The following NTAQ1 variants were observed in gnomAD, a reference collection of about 807,000 sequenced individuals.
The protein encoded by NTAQ1 is protein N-terminal glutamine amidohydrolase.
NTAQ1 carries 21 observed loss-of-function variants against 28.2 expected under a neutral mutation model. The ratio of observed to expected loss-of-function variants is 0.74; its 90% CI spans 0.53 to 1.07. The LOEUF (loss-of-function observed/expected upper bound fraction) is 1.07. Ranked by LOEUF, NTAQ1 falls within the 50% of genes least tolerant of loss-of-function variation. The pLI is 0.00. For missense variants in NTAQ1, 264 were observed against 256.6 expected (o/e 1.03, Z -0.20); for synonymous variants, 105 against 90.0 (o/e 1.17, Z -0.94).
At position 123,441,799 on chromosome 8, in the gene NTAQ1, A is replaced by C. The variant is rs1374473737; in HGVS notation, c.*384A>C. ...TTCCTTGAGGGCAGGGCCATGGCCC[A>C]TTGCTCTGTGAATCTCAAATGCCCA... On this transcript the variant is annotated 3_prime_UTR_variant, in exon 6 of 6. Coordinates refer to ENST00000287387, the MANE Select transcript of NTAQ1 (RefSeq NM_018024.3). The C allele has an allele frequency of 5.5e-6, 1 of 183,198 alleles. No individual in the cohort carries two copies. The highest frequency in any genetic ancestry group is 5.6e-5 in the Admixed American group (1 of 17,940). 11.3% of individuals were successfully genotyped at this position (183,198 alleles called of 1,614,324 possible).
chr8:123,430,195 GA>G (rs1226623116), intron 3 of NTAQ1, 162 bp downstream of exon 3: 1 of 465,076 alleles, frequency 2.2e-6, no homozygotes, highest in Non-Finnish European at 3.9e-6. Flanking sequence ...ATCTAAGGTA[GA>G]AACACTGTAG....
intron 3 of NTAQ1, among the ~76,000 whole-genome samples, chr8:123,431,749 C>T (rs865968010): frequency 1.3e-5 from 2 of 152,188 alleles, no homozygotes; most frequent in Non-Finnish European, 2.9e-5. Flanking sequence ...TTCAGTGTCT[C>T]CCCCTGGTCA....
At chr8:123,441,119 T>G (rs1048189412) in intron 5 of NTAQ1, among the ~76,000 whole-genome samples, 187 bp from the exon 6 acceptor site, 2 of 152,130 alleles carry the variant, frequency 1.3e-5, no homozygotes, top group South Asian at 4.1e-4. Flanking sequence ...TTCCCTCAGT[T>G]TGGGTGTGTG....
chr8:123,425,708 G>C (rs149665574), intron 1 of NTAQ1, among the ~76,000 whole-genome samples: 6 of 152,026 alleles, frequency 3.9e-5, no homozygotes, highest in Non-Finnish European at 5.9e-5. Context: ...GTAGCATGGC[G>C]TGGATGAAAT....
chr8:123,457,688 G>A (rs543882425), intron 6 of NTAQ1, among the ~76,000 whole-genome samples: 2 of 152,230 alleles, frequency 1.3e-5, no homozygotes, highest in Non-Finnish European at 2.9e-5. Flanking sequence ...ACTTCATTGT[G>A]TACCCTTTTG....
At chr8:123,453,242 TCCTTGG>T (rs1815555587) in intron 6 of NTAQ1, among the ~76,000 whole-genome samples, 1 of 152,138 alleles carries the variant, frequency 6.6e-6, no homozygotes, top group Non-Finnish European at 1.5e-5. Context: ...TAAGTTCAAG[TCCTTGG>T]CCCCCGTTAC....
chr8:123,444,067 T>TG (rs59032844), downstream of NTAQ1, among the ~76,000 whole-genome samples: 1 of 151,918 alleles, frequency 6.6e-6, no homozygotes, highest in African/African-American at 2.4e-5. Flanking sequence ...TTTTTTTTTT[T>TG]GAACCCAAAC....
intron 3 of NTAQ1, among the ~76,000 whole-genome samples, chr8:123,435,992 A>T (rs1814684305): frequency 6.6e-6 from 1 of 151,072 alleles, no homozygotes; most frequent in Admixed American, 6.6e-5. Flanking sequence ...GCATGATGAA[A>T]CCCTATCTCT....
intron 6 of NTAQ1, among the ~76,000 whole-genome samples, chr8:123,462,435 C>G (rs889182961): frequency 4.6e-5 from 7 of 152,140 alleles, no homozygotes; most frequent in African/African-American, 1.7e-4. Context: ...AAGTCTACAA[C>G]TCAGATACTC....
chr8:123,424,597 C>T (rs537434596), intron 1 of NTAQ1, among the ~76,000 whole-genome samples: 2 of 143,846 alleles, frequency 1.4e-5, no homozygotes, highest in Admixed American at 7.0e-5. Flanking sequence ...TGGTCTTGAA[C>T]TCCCAACCTC....
Position 123,436,150 on chromosome 8 carries a change from C to T in NTAQ1, c.235-303C>T, listed in dbSNP as rs567962498. 8.9e-5 allele frequency among the ~76,000 whole-genome samples: 11 copies of T among 123,930 alleles called. No homozygotes were observed. The South Asian group carries it at 2.2e-3, about 25-fold the overall frequency. 81.3% of individuals were successfully genotyped at this position (123,930 alleles called of 152,430 possible). The stretch of plus-strand genomic sequence containing the variant: ...TGCCACTGCACTCCAACCTGGGTGA[C>T]GAGAGTAAGACTCCATCTCAAAAAA... On this transcript the variant is annotated intron_variant, in intron 3 of 5. Coordinates refer to ENST00000287387, the MANE Select transcript of NTAQ1 (RefSeq NM_018024.3).
At chr8:123,463,590 C>T (rs1815890908) in intron 6 of NTAQ1, among the ~76,000 whole-genome samples, 1 of 152,070 alleles carries the variant, frequency 6.6e-6, no homozygotes, top group Non-Finnish European at 1.5e-5. Flanking sequence ...TATCAGAATC[C>T]AAAGTGAGTG....
chr8:123,441,444 GA>G lies in NTAQ1; in HGVS notation c.*32del, dbSNP rs1344262931. ...TGGTCTCAAGATGTGGAACTGTGGA[GA>G]AATTCTAGGACATGAACAAGCTATC... is the stretch of plus-strand genomic sequence containing the variant. On this transcript the variant is annotated 3_prime_UTR_variant, in exon 6 of 6. Transcript: ENST00000287387. 2 of 1,541,576 alleles carry G rather than the reference GA, an allele frequency of 1.3e-6. No individual in the cohort carries two copies. The highest frequency in any genetic ancestry group is 2.8e-5 in the African/African-American group (2 of 72,484).
At chr8:123,452,775 C>T (rs538659280), downstream of NTAQ1, among the ~76,000 whole-genome samples, 1 of 151,752 alleles carries the variant, frequency 6.6e-6, no homozygotes, top group Non-Finnish European at 1.5e-5. Context: ...GGCATAGTGG[C>T]GCATGCCTGT....
At chr8:123,425,272 A>G (rs999543418) in intron 1 of NTAQ1, among the ~76,000 whole-genome samples, 2 of 151,830 alleles carry the variant, frequency 1.3e-5, no homozygotes, top group African/African-American at 4.8e-5. Context: ...TTGTATTTTT[A>G]GTAGAGACAG....
intron 1 of NTAQ1, among the ~76,000 whole-genome samples, chr8:123,419,475 GTTAC>G (rs1325653456): frequency 1.3e-5 from 2 of 152,166 alleles, no homozygotes; most frequent in Non-Finnish European, 2.9e-5. Flanking sequence ...GCTTCCAGAT[GTTAC>G]TTACGCTTCA....
At position 123,463,243 on chromosome 8, in the gene NTAQ1, C is replaced by G. The variant is rs1256597392; in HGVS notation, c.373-3836C>G. Reference sequence around the variant, plus strand: ...CTTTATGATGATATTATTATCACGTCTAAGAAACTTAACATTGATGCAACA... The same window carrying G: ...CTTTATGATGATATTATTATCACGTGTAAGAAACTTAACATTGATGCAACA... On this transcript the variant is annotated intron_variant, in intron 6 of 6. Coordinates refer to the NTAQ1 transcript ENST00000650311. 5.3e-5 allele frequency among the ~76,000 whole-genome samples: 8 copies of G among 152,314 alleles called. No individual in the cohort carries two copies. The East Asian group carries it at 1.5e-3, about 29-fold the overall frequency.
At position 123,427,995 on chromosome 8, in the gene NTAQ1, C is replaced by T; in HGVS notation, c.155C>T (p.Ala52Val). 6.2e-7 allele frequency: 1 copy of T among 1,610,432 alleles called. No individual in the cohort carries two copies. The highest frequency in any genetic ancestry group is 8.5e-7 in the Non-Finnish European group (1 of 1,178,844). Reference protein sequence around the residue: ...HDQYPLEECYAVFISNERKMI... With the variant: ...HDQYPLEECYVVFISNERKMI... ...CAGTATCCTTTAGAAGAATGTTATGCTGTCTTCATATCTAATGAGAGGAAG... is the reference window on the plus strand; with the variant it reads ...CAGTATCCTTTAGAAGAATGTTATGTTGTCTTCATATCTAATGAGAGGAAG... Residue 52 changes from alanine to valine, a missense_variant, in exon 2 of 6, where the codon GCT (alanine) becomes GTT (valine). By Grantham distance (64) the Ala-to-Val change is moderately conservative. Transcript: ENST00000287387.
rs71310677 is a variant in NTAQ1 at position 123,421,512 on chromosome 8, C to CTTTTT, written c.83+4590_83+4594dup. Among the ~76,000 whole-genome samples, 2,932 of 133,828 alleles carry CTTTTT rather than the reference C, an allele frequency of 0.022. 193 individuals are homozygous for CTTTTT. The East Asian group carries it at 0.22, about 10-fold the overall frequency. 87.8% of individuals were successfully genotyped at this position (133,828 alleles called of 152,430 possible). On this transcript the variant is annotated intron_variant, in intron 1 of 5. Transcript: ENST00000287387. ...TTGGCCATGTGCATGTCTCTTTTTC[C>CTTTTT]TTTTTTTTTTTTTTGAGATGGAGTC...
Sources: gnomAD v4.1 joint callset for allele counts (sites outside exome capture counted in the v4.1 genomes callset) on GRCh38, gnomAD v4.1.1 for gene constraint, MANE v1.5 for transcripts, NCBI Gene and HGNC (gene_info 2026-07-23, HGNC 2026-07-21) for gene names.